Variants in ARSI observed in about 807,000 individuals in gnomAD.
ARSI encodes the protein arylsulfatase I.
ARSI carries 37 observed loss-of-function variants against 42.1 expected under a neutral mutation model. The ratio of observed to expected loss-of-function variants is 0.88; its 90% confidence interval spans 0.68 to 1.16. The LOEUF is 1.16. Among genes scored for constraint, ARSI ranks in the 50% most tolerant of loss-of-function variants. ARSI has a pLI of 0.00. For synonymous variants in ARSI, 305 were observed against 320.3 expected, an observed-to-expected ratio of 0.95 and a Z score of 0.51; for missense variants, 725 against 790.1, an observed-to-expected ratio of 0.92 and a Z score of 0.99.
Position 150,298,624 on chromosome 5 carries a change from G to A in ARSI, c.312-12C>T, listed in dbSNP as rs767447108. 2.5e-6 allele frequency: 4 copies of A among 1,591,476 alleles called. No individual in the cohort carries two copies. The Admixed American group carries it at 5.1e-5, about 20-fold the overall frequency. The stretch of plus-strand genomic sequence containing the variant: ...TGTGGATCTGGTACCTGGTGGGGAG[G>A]AGGGGAAGGCACAGAAGGCACAGGT... On this transcript the variant is annotated splice_polypyrimidine_tract_variant and intron_variant, in intron 1 of 1. Coordinates refer to ENST00000328668, the MANE Select transcript of ARSI (RefSeq NM_001012301.4).
intron 1 of ARSI, among the ~76,000 whole-genome samples, chr5:150,300,218 A>G (rs896454891): frequency 3.3e-5 from 5 of 152,230 alleles, no homozygotes; most frequent in Non-Finnish European, 7.3e-5. Context: ...TGCCATACAC[A>G]TACATTATCT....
At chr5:150,301,252 G>C (rs1392407785) in intron 1 of ARSI, among the ~76,000 whole-genome samples, 1 of 152,182 alleles carries the variant, frequency 6.6e-6, no homozygotes, top group East Asian at 1.9e-4. Context: ...CCCATCCAAG[G>C]AGAATTAGCT....
rs1311078944 is a variant in ARSI at position 150,302,846 on chromosome 5, A to T, written c.-473T>A. 6.6e-6 allele frequency: 1 copy of T among 152,314 alleles called. No individual in the cohort carries two copies. The highest frequency in any genetic ancestry group is 6.5e-5 in the Admixed American group (1 of 15,284). 9.4% of individuals were successfully genotyped at this position (152,314 alleles called of 1,614,324 possible). Reference sequence around the variant, plus strand: ...TGCAGGGAGGTGGGCAGGACCCCAGAGGGGAAGGGGAGGGAGGCACAAGTT... The same window carrying T: ...TGCAGGGAGGTGGGCAGGACCCCAGTGGGGAAGGGGAGGGAGGCACAAGTT... On this transcript the variant is annotated 5_prime_UTR_variant, in exon 1 of 2. Coordinates refer to ENST00000328668, the MANE Select transcript of ARSI (RefSeq NM_001012301.4). This position sits in a 1 kb window ranked among gnomAD's most constrained non-coding sequence, Gnocchi z 6.1.
At position 150,298,064 on chromosome 5, in the gene ARSI, T is replaced by A. The variant is rs773450988; in HGVS notation, c.860A>T (p.Tyr287Phe). 56 of 1,612,728 alleles carry A rather than the reference T, an allele frequency of 3.5e-5. 1 individual carries two copies. Among genetic ancestry groups the A allele is most frequent in the Non-Finnish European group, 4.7e-5 (55 of 1,179,988 alleles). ...GGAGAAGATGATGACACTGTTGTTG[T>A]AGAAACCGTAGCGCTTGAGGGCCCA... is the stretch of plus-strand genomic sequence containing the variant. ...ITWALKRYGF[Y>F]NNSVIIFSSD... The change falls in exon 2 of 2, where the codon TAC (tyrosine) becomes TTC (phenylalanine). Residue 287 changes from tyrosine (Y) to phenylalanine (F), a missense_variant. Coordinates refer to ENST00000328668, the MANE Select transcript of ARSI (RefSeq NM_001012301.4).
At chr5:150,301,016 G>C (rs775207273) in intron 1 of ARSI, among the ~76,000 whole-genome samples, 9 of 152,100 alleles carry the variant, frequency 5.9e-5, no homozygotes, top group Non-Finnish European at 1.2e-4. Context: ...GACGCCATTT[G>C]ATGCCCAGCT....
chr5:150,302,404 C>T lies in ARSI; in HGVS notation c.-31G>A, dbSNP rs879035984. 2.0e-5 allele frequency: 28 copies of T among 1,407,894 alleles called. No individual in the cohort carries two copies. Among genetic ancestry groups the T allele is most frequent in the Non-Finnish European group, 2.5e-5 (27 of 1,082,902 alleles). 87.2% of individuals were successfully genotyped at this position (1,407,894 alleles called of 1,614,324 possible). A position where few individuals can be genotyped will look rare whatever the true frequency, so the allele number is the denominator to read the frequency against. On this transcript the variant is annotated 5_prime_UTR_variant, in exon 1 of 2. Coordinates refer to ENST00000328668, the MANE Select transcript of ARSI (RefSeq NM_001012301.4). This position sits in a 1 kb window ranked among gnomAD's most constrained non-coding sequence, Gnocchi z 6.1. The stretch of plus-strand genomic sequence containing the variant: ...AGCCGGCCCGCGCGTCCCGGCGCGC[C>T]GGGCTCCTGGGGCCTCACCACCTCG...
In ARSI at chr5:150,302,404, C is replaced by G. The variant is rs879035984; in HGVS notation, c.-31G>C. On this transcript the variant is annotated 5_prime_UTR_variant, in exon 1 of 2. Transcript: ENST00000328668. The surrounding 1 kb of genome is among the most constrained non-coding windows in gnomAD (Gnocchi z 6.1). ...AGCCGGCCCGCGCGTCCCGGCGCGC[C>G]GGGCTCCTGGGGCCTCACCACCTCG... 1.4e-6 allele frequency: 2 copies of G among 1,407,890 alleles called. No homozygotes were observed. Among genetic ancestry groups the G allele is most frequent in the South Asian group, 3.2e-5 (2 of 62,174 alleles). 87.2% of individuals were successfully genotyped at this position (1,407,890 alleles called of 1,614,324 possible).
At position 150,297,894 on chromosome 5, in the gene ARSI, G is replaced by A. The variant is rs1323653340; in HGVS notation, c.1030C>T (p.Leu344=). Residue 344 remains leucine, a synonymous_variant, in exon 2 of 2, where the codon CTG becomes TTG. Coordinates refer to ENST00000328668, the MANE Select transcript of ARSI (RefSeq NM_001012301.4). This position sits in a 1 kb window ranked among gnomAD's most constrained non-coding sequence, Gnocchi z 7.0. Reference sequence around the variant, plus strand: ...GGGTACCAGTCAGTGATGTGCATCAGTGCCCGGCTTGTCCGTTGCTTTCGC... The same window carrying A: ...GGGTACCAGTCAGTGATGTGCATCAATGCCCGGCTTGTCCGTTGCTTTCGC... ...LKRKQRTSRA[L]MHITDWYPTL... 6.2e-7 allele frequency: 1 copy of A among 1,612,212 alleles called. No individual in the cohort carries two copies. Among genetic ancestry groups the A allele is most frequent in the East Asian group, 2.2e-5 (1 of 44,860 alleles).
Position 150,298,293 on chromosome 5 carries a change from G to C in ARSI, c.631C>G (p.Leu211Val), listed in dbSNP as rs938141102. The change falls in exon 2 of 2, where the codon CTT becomes GTT. Residue 211 changes from leucine (L) to valine (V), a missense_variant. Coordinates refer to ENST00000328668, the MANE Select transcript of ARSI (RefSeq NM_001012301.4). ...ATATGGCTGGCGCGCTGGGCATAAA[G>C]CATAGTGGAGTACTGGCCGCTGAGC... is the stretch of plus-strand genomic sequence containing the variant. ...WGLSGQYSTM[L>V]YAQRASHILA... 8.1e-6 allele frequency: 13 copies of C among 1,613,332 alleles called. No homozygotes were observed. The highest frequency in any genetic ancestry group is 1.1e-5 in the Non-Finnish European group (13 of 1,179,774).
In ARSI at chr5:150,302,572, G is replaced by A. The variant is rs1324878355; in HGVS notation, c.-199C>T. 7.1e-6 allele frequency: 3 copies of A among 423,566 alleles called. No individual in the cohort carries two copies. Among genetic ancestry groups the A allele is most frequent in the African/African-American group, 4.2e-5 (2 of 48,138 alleles). The allele number at this position is 423,566 out of a possible 1,614,324, so 26.2% of individuals were successfully genotyped here. A position where few individuals can be genotyped will look rare whatever the true frequency, so the allele number is the denominator to read the frequency against. On this transcript the variant is annotated 5_prime_UTR_variant, in exon 1 of 2. Transcript: ENST00000328668. This position sits in a 1 kb window ranked among gnomAD's most constrained non-coding sequence, Gnocchi z 6.1. ...GCTCGGCCGCAGCGGGGCGCTCTGG[G>A]GAGGTCAGGCCCGCGCCGAGCTGCC...
rs895237655 is a variant in ARSI, at chr5:150,299,661, T to C, written c.312-1049A>G. ...AACAGAGCCAGGACTTGAACATAAA[T>C]CCAAGCAGAGTCTAAGCAGGGACTC... On this transcript the variant is annotated intron_variant, in intron 1 of 1. Coordinates refer to ENST00000328668, the MANE Select transcript of ARSI (RefSeq NM_001012301.4). Among the ~76,000 whole-genome samples, 7 of 151,992 alleles carry C rather than the reference T, an allele frequency of 4.6e-5. No individual in the cohort carries two copies. The East Asian group carries it at 1.2e-3, about 25-fold the overall frequency.
chr5:150,297,924 G>C lies in ARSI; in HGVS notation c.1000C>G (p.Leu334Val), dbSNP rs1695055245. 2 of 1,611,720 alleles carry C rather than the reference G, an allele frequency of 1.2e-6. No homozygotes were observed. Among genetic ancestry groups the C allele is most frequent in the East Asian group, 4.5e-5 (2 of 44,874 alleles). The change falls in exon 2 of 2, where the codon CTC becomes GTC. Residue 334 changes from leucine to valine, a missense_variant. By Grantham distance (32) the Leu-to-Val change is conservative. Coordinates refer to ENST00000328668, the MANE Select transcript of ARSI (RefSeq NM_001012301.4). The surrounding 1 kb of genome is among the most constrained non-coding windows in gnomAD (Gnocchi z 7.0). ...CGGCTTGTCCGTTGCTTTCGCTTGA[G>C]CAGGGGACTGTGGACAAAGCCTAGG... ...RGLGFVHSPL[L>V]KRKQRTSRAL...
chr5:150,297,525 T>C lies in ARSI; in HGVS notation c.1399A>G (p.Ile467Val), dbSNP rs772163346. The C allele has an allele frequency of 1.9e-6, 3 of 1,613,678 alleles. No individual in the cohort carries two copies. The African/African-American group carries it at 4.0e-5, about 22-fold the overall frequency. ...SVRQAVWLFN[I>V]SADPYEREDL... ...TCCCGTTCATAAGGGTCAGCACTGA[T>C]GTTGAAGAGCCACACGGCCTGGCGG... Residue 467 changes from isoleucine (I) to valine (V), a missense_variant, in exon 2 of 2, where the codon ATC becomes GTC. Ile to Val is a conservative substitution (Grantham distance 29, BLOSUM62 3). Coordinates refer to ENST00000328668, the MANE Select transcript of ARSI (RefSeq NM_001012301.4). The surrounding 1 kb of genome is among the most constrained non-coding windows in gnomAD (Gnocchi z 7.0).
rs141392111 is a variant in ARSI, at chr5:150,297,957, C to T, written c.967G>A (p.Val323Met). The T allele has an allele frequency of 3.0e-5, 48 of 1,611,640 alleles. No individual in the cohort carries two copies. The South Asian group carries it at 3.5e-4, about 12-fold the overall frequency. The change falls in exon 2 of 2, where the codon GTG becomes ATG. Residue 323 changes from valine (V) to methionine (M), a missense_variant. Coordinates refer to ENST00000328668, the MANE Select transcript of ARSI (RefSeq NM_001012301.4). The surrounding 1 kb of genome is among the most constrained non-coding windows in gnomAD (Gnocchi z 7.0). ...CTGTGGACAAAGCCTAGGCCCCGCA[C>T]GCCACCTTCCCAATAAGTGCCCTTG... The part of the protein sequence containing the change: ...GRKGTYWEGG[V>M]RGLGFVHSPL...
Position 150,296,506 on chromosome 5 carries a change from C to A in ARSI, c.*708G>T, listed in dbSNP as rs1757800595. ...ACTGTGCCCCAGGTCACAGGAGAAC[C>A]CAGGTGTCCTGGTACTGGTTTGGGG... On this transcript the variant is annotated 3_prime_UTR_variant, in exon 2 of 2. Coordinates refer to ENST00000328668, the MANE Select transcript of ARSI (RefSeq NM_001012301.4). The A allele has an allele frequency of 6.6e-6, 1 of 152,258 alleles. No individual in the cohort carries two copies. Among genetic ancestry groups the A allele is most frequent in the African/African-American group, 2.4e-5 (1 of 41,458 alleles). 9.4% of individuals were successfully genotyped at this position (152,258 alleles called of 1,614,324 possible).
rs772663595 is a variant in ARSI at position 150,298,019 on chromosome 5, G to A, written c.905C>T (p.Thr302Ile). 8.7e-6 allele frequency: 14 copies of A among 1,612,550 alleles called. No homozygotes were observed. The Admixed American group carries it at 2.3e-4, about 27-fold the overall frequency. Residue 302 changes from threonine to isoleucine, a missense_variant, in exon 2 of 2, where the codon ACT (threonine) becomes ATT (isoleucine). Transcript: ENST00000328668. ...CGGCCAGTTGCTGCCCCCCGAGAAA[G>A]TCTGGCCACCATTGTCACTGGAGAA... ...IIFSSDNGGQ[T>I]FSGGSNWPLR...
chr5:150,297,128 A>T lies in ARSI; in HGVS notation c.*86T>A. On this transcript the variant is annotated 3_prime_UTR_variant, in exon 2 of 2. Coordinates refer to ENST00000328668, the MANE Select transcript of ARSI (RefSeq NM_001012301.4). The surrounding 1 kb of genome is among the most constrained non-coding windows in gnomAD (Gnocchi z 7.0). ...ACCCTCCAACTCCCTGTAGATGGAG[A>T]TGTGACAGGCTTCTCCCTGAGAAAC... is the stretch of plus-strand genomic sequence containing the variant. 1 of 1,408,388 alleles carries T rather than the reference A, an allele frequency of 7.1e-7. No homozygotes were observed. The highest frequency in any genetic ancestry group is 9.7e-7 in the Non-Finnish European group (1 of 1,036,170). The allele number at this position is 1,408,388 out of a possible 1,614,324, so 87.2% of individuals were successfully genotyped here. A position where few individuals can be genotyped will look rare whatever the true frequency, so the allele number is the denominator to read the frequency against.
At chr5:150,301,354 C>T (rs1335188602) in intron 1 of ARSI, among the ~76,000 whole-genome samples, 1 of 152,202 alleles carries the variant, frequency 6.6e-6, no homozygotes, top group Non-Finnish European at 1.5e-5. Context: ...TCCTGTAATC[C>T]TGCTGCCTCG....
Position 150,302,439 on chromosome 5 carries a change from G to A in ARSI, c.-66C>T. On this transcript the variant is annotated 5_prime_UTR_variant, in exon 1 of 2. Transcript: ENST00000328668. The surrounding 1 kb of genome is among the most constrained non-coding windows in gnomAD (Gnocchi z 6.1). Reference sequence around the variant, plus strand: ...GGGCCTCACCACCTCGCGCGCCCAGGGCGCACCACCGGCCCGCCGGCTCGG... The same window carrying A: ...GGGCCTCACCACCTCGCGCGCCCAGAGCGCACCACCGGCCCGCCGGCTCGG... The A allele has an allele frequency of 7.9e-7, 1 of 1,268,816 alleles. No individual in the cohort carries two copies. The highest frequency in any genetic ancestry group is 1.0e-6 in the Non-Finnish European group (1 of 980,290). 78.6% of individuals were successfully genotyped at this position (1,268,816 alleles called of 1,614,324 possible).
Sources: allele counts gnomAD v4.1 joint callset (sites outside exome capture counted in the v4.1 genomes callset), GRCh38; gene constraint gnomAD v4.1.1; non-coding constraint Gnocchi (gnomAD v3.1); transcripts MANE v1.5; gene names NCBI Gene and HGNC (gene_info 2026-07-23, HGNC 2026-07-21).